The following SLC6A3 variants were observed in gnomAD, a reference collection of about 807,000 sequenced individuals.
The protein encoded by SLC6A3 is sodium-dependent dopamine transporter.
In SLC6A3, 19 loss-of-function variants were observed where a neutral mutation model predicts 70.4. The ratio of observed to expected loss-of-function variants is 0.27; its 90% CI spans 0.19 to 0.40. The LOEUF is 0.40. Ranked by LOEUF, SLC6A3 falls within the 10% of genes least tolerant of loss-of-function variation. The pLI is 1.00. For synonymous variants in SLC6A3, 368 were observed against 356.6 expected, an observed-to-expected ratio of 1.03 and a Z score of -0.36; for missense variants, 613 against 838.5, an observed-to-expected ratio of 0.73 and a Z score of 3.32.
Position 1,408,152 on chromosome 5 carries a change from A to G in SLC6A3, c.1498+874T>C, listed in dbSNP as rs1249120326. ...TACCATCAGTGTCTTCAGAAAATCT[A>G]CAGCCTCCTGACTAGCTGGGATTAT... On this transcript the variant is annotated intron_variant, in intron 11 of 14. Coordinates refer to ENST00000270349, the MANE Select transcript of SLC6A3 (RefSeq NM_001044.5). This position sits in a 1 kb window ranked among gnomAD's most constrained non-coding sequence, Gnocchi z 6.4. Among the ~76,000 whole-genome samples, 2 of 151,078 alleles carry G rather than the reference A, an allele frequency of 1.3e-5. No homozygotes were observed. Among genetic ancestry groups the G allele is most frequent in the Non-Finnish European group, 2.9e-5 (2 of 67,904 alleles).
At chr5:1,435,791 G>A (rs375636) in intron 3 of SLC6A3, among the ~76,000 whole-genome samples, 2,246 of 75,590 alleles carry the variant, frequency 0.03, 5 homozygotes, top group East Asian at 0.079. Context: ...TCCCTTGAAC[G>A]GTGGTGGCCA....
chr5:1,436,272 G>A lies in SLC6A3; in HGVS notation c.419-3574C>T, dbSNP rs971941756. Among the ~76,000 whole-genome samples, 1 of 152,220 alleles carries A rather than the reference G, an allele frequency of 6.6e-6. No individual in the cohort carries two copies. The highest frequency in any genetic ancestry group is 2.4e-5 in the African/African-American group (1 of 41,462). ...CCTCAAGCTCACCGAAGGCCCAGAC[G>A]CAGGAAACCCACTACCCTGTTGGCT... On this transcript the variant is annotated intron_variant, in intron 3 of 14. Coordinates refer to ENST00000270349, the MANE Select transcript of SLC6A3 (RefSeq NM_001044.5). The surrounding 1 kb of genome is among the most constrained non-coding windows in gnomAD (Gnocchi z 5.2).
In SLC6A3 at chr5:1,393,596, G is replaced by A. The variant is rs151078176; in HGVS notation, c.*1139C>T. On this transcript the variant is annotated 3_prime_UTR_variant, in exon 15 of 15. Coordinates refer to ENST00000270349, the MANE Select transcript of SLC6A3 (RefSeq NM_001044.5). ...GGCTGCCTGCATGGGGGCCCTGCAT[G>A]CGTCCTGGGGTAGTACACGCTCCTG... 2.9e-4 allele frequency: 44 copies of A among 152,906 alleles called. No individual in the cohort carries two copies. The highest frequency in any genetic ancestry group is 1.0e-3 in the African/African-American group (41 of 40,458). The allele number at this position is 152,906 out of a possible 1,614,324, so 9.5% of individuals were successfully genotyped here.
rs777757765 is a variant in SLC6A3, at chr5:1,432,655, G to C, written c.462C>G (p.Phe154Leu). 1 of 1,614,202 alleles carries C rather than the reference G, an allele frequency of 6.2e-7. No homozygotes were observed. Among genetic ancestry groups the C allele is most frequent in the South Asian group, 1.1e-5 (1 of 91,080 alleles). Residue 154 changes from phenylalanine to leucine, a missense_variant, in exon 4 of 15, where the codon TTC (phenylalanine) becomes TTG (leucine). Phe to Leu is a conservative substitution (Grantham distance 22). Coordinates refer to ENST00000270349, the MANE Select transcript of SLC6A3 (RefSeq NM_001044.5). Reference protein sequence around the residue: ...TVILISLYVGFFYNVIIAWAL... With the variant: ...TVILISLYVGLFYNVIIAWAL... ...CCCAGGCGATGATGACGTTGTAGAA[G>C]AAGCCGACATACAGTGAGATGAGGA...
intron 6 of SLC6A3, among the ~76,000 whole-genome samples, chr5:1,419,323 TCATCCATC>T (rs59372317): frequency 9.3e-4 from 133 of 142,968 alleles, no homozygotes; most frequent in Non-Finnish European, 1.1e-3. Context: ...TACCTAGCAT[TCATCCATC>T]CATCCATCCA....
intron 4 of SLC6A3, among the ~76,000 whole-genome samples, chr5:1,425,778 A>T (rs1485289151): frequency 6.6e-6 from 1 of 152,234 alleles, no homozygotes; most frequent in African/African-American, 2.4e-5. Context: ...AAAAGAGAAT[A>T]ATATCTAAAA....
At chr5:1,441,756 C>T (rs1733675328) in intron 2 of SLC6A3, among the ~76,000 whole-genome samples, 1 of 152,146 alleles carries the variant, frequency 6.6e-6, no homozygotes, top group Non-Finnish European at 1.5e-5. Context: ...ACAGGGAGGC[C>T]CTGCCCATGC....
intron 4 of SLC6A3, among the ~76,000 whole-genome samples, chr5:1,426,702 A>T (rs1756582607): frequency 6.6e-6 from 1 of 152,258 alleles, no homozygotes. Flanking sequence ...ACAAAAAAAT[A>T]AGTGATTCTA....
At position 1,401,465 on chromosome 5, in the gene SLC6A3, CGCTG is replaced by C. The variant is rs1026310291; in HGVS notation, c.1768-483_1768-480del. Among the ~76,000 whole-genome samples the C allele has an allele frequency of 6.6e-6, 1 of 152,092 alleles. No individual in the cohort carries two copies. Among genetic ancestry groups the C allele is most frequent in the Non-Finnish European group, 1.5e-5 (1 of 68,012 alleles). Reference sequence around the variant, plus strand: ...CTGAACGTGCCTTCCTTCCACTGCCCGCTGCGGCAGCTCCTGGGGCCTGGACAGC... The same window carrying C: ...CTGAACGTGCCTTCCTTCCACTGCCCCGGCAGCTCCTGGGGCCTGGACAGC... On this transcript the variant is annotated intron_variant, in intron 13 of 14. Coordinates refer to ENST00000270349, the MANE Select transcript of SLC6A3 (RefSeq NM_001044.5). This position sits in a 1 kb window ranked among gnomAD's most constrained non-coding sequence, Gnocchi z 6.1.
Position 1,440,836 on chromosome 5 carries a change from C to A in SLC6A3, c.418+523G>T, listed in dbSNP as rs368684097. On this transcript the variant is annotated intron_variant, in intron 3 of 14. Coordinates refer to ENST00000270349, the MANE Select transcript of SLC6A3 (RefSeq NM_001044.5). ...AGACACCTTGATCTTGGACTTCCAGCCTCCAGAGCTGTGAGACAATAAACG... is the reference window on the plus strand; with the variant it reads ...AGACACCTTGATCTTGGACTTCCAGACTCCAGAGCTGTGAGACAATAAACG... Among the ~76,000 whole-genome samples, 4 of 152,330 alleles carry A rather than the reference C, an allele frequency of 2.6e-5. No homozygotes were observed. In the East Asian group the frequency reaches 5.8e-4, roughly 22 times the overall value.
chr5:1,421,605 C>G lies in SLC6A3; in HGVS notation c.792+271G>C, dbSNP rs377055977. ...CCAGCCACGGCCACGTGTCCCCCCA[C>G]CCACCCATGGCCGCGCGTCTACCCA... On this transcript the variant is annotated intron_variant, in intron 5 of 14. Coordinates refer to ENST00000270349, the MANE Select transcript of SLC6A3 (RefSeq NM_001044.5). This position sits in a 1 kb window ranked among gnomAD's most constrained non-coding sequence, Gnocchi z 7.2. Among the ~76,000 whole-genome samples the G allele has an allele frequency of 1.3e-3, 201 of 151,148 alleles. 8 individuals carry two copies. The South Asian group carries it at 0.041, about 31-fold the overall frequency.
rs1179910636 is a variant in SLC6A3 at position 1,401,550 on chromosome 5, A to T, written c.1768-564T>A. Among the ~76,000 whole-genome samples the T allele has an allele frequency of 6.6e-6, 1 of 152,088 alleles. No individual in the cohort carries two copies. Among genetic ancestry groups the T allele is most frequent in the African/African-American group, 2.4e-5 (1 of 41,410 alleles). On this transcript the variant is annotated intron_variant, in intron 13 of 14. Transcript: ENST00000270349. The surrounding 1 kb of genome is among the most constrained non-coding windows in gnomAD (Gnocchi z 6.1). ...CAGGAGCTCACCCTCTCGGGCCTGG[A>T]TGCCTGTATCTGGATCTCTGAGGCC...
Position 1,434,007 on chromosome 5 carries a change from A to G in SLC6A3, c.419-1309T>C, listed in dbSNP as rs376032567. ...TAACTATCTACGGCCACCCATGGCC[A>G]TCCACAGCCACCCATGGCCATCCAG... On this transcript the variant is annotated intron_variant, in intron 3 of 14. Transcript: ENST00000270349. 5.8e-4 allele frequency among the ~76,000 whole-genome samples: 88 copies of G among 152,352 alleles called. 2 individuals carry two copies. The East Asian group carries it at 0.015, about 26-fold the overall frequency.
chr5:1,395,270 C>T lies in SLC6A3; in HGVS notation c.1840-512G>A, dbSNP rs146299191. 2.0e-5 allele frequency among the ~76,000 whole-genome samples: 3 copies of T among 152,366 alleles called. No homozygotes were observed. The East Asian group carries it at 5.8e-4, about 29-fold the overall frequency. ...GCAAGTGCAGCGTGTACTGACTGCT[C>T]AGGGACTGATGAGATAGACAAGAGC... On this transcript the variant is annotated intron_variant, in intron 14 of 14. Transcript: ENST00000270349.
Position 1,432,049 on chromosome 5 carries a change from G to A in SLC6A3, c.653+415C>T, listed in dbSNP as rs28382237. Among the ~76,000 whole-genome samples, 1,467 of 152,248 alleles carry A rather than the reference G, an allele frequency of 9.6e-3. 31 individuals are homozygous for A. The highest frequency in any genetic ancestry group is 0.032 in the African/African-American group (1,334 of 41,528). On this transcript the variant is annotated intron_variant, in intron 4 of 14. Transcript: ENST00000270349. ...CCGGAGTGAGGCAGTTCGGCCCCAT[G>A]CTATGCACAGAGGAAGGGTAGGGAG...
chr5:1,435,640 C>A (rs1029731658), intron 3 of SLC6A3, among the ~76,000 whole-genome samples: 3 of 152,254 alleles, frequency 2.0e-5, no homozygotes, highest in African/African-American at 7.2e-5. Flanking sequence ...GCAGCCCCCA[C>A]ACCAGAGTCC....
chr5:1,423,320 T>C (rs575179636), intron 4 of SLC6A3, among the ~76,000 whole-genome samples: 53 of 148,866 alleles, frequency 3.6e-4, no homozygotes, highest in African/African-American at 1.3e-3. Flanking sequence ...CTGCCCATGG[T>C]GCTGGGTACC....
chr5:1,410,152 C>T (rs1379959913), intron 9 of SLC6A3, among the ~76,000 whole-genome samples: 1 of 152,216 alleles, frequency 6.6e-6, no homozygotes, highest in Non-Finnish European at 1.5e-5. Context: ...GCCACCCTGT[C>T]CACTGCTGCT....
intron 14 of SLC6A3, among the ~76,000 whole-genome samples, chr5:1,395,228 C>T (rs1755686654): frequency 6.6e-6 from 1 of 152,228 alleles, no homozygotes; most frequent in South Asian, 2.1e-4. Flanking sequence ...ATCTTGCTCT[C>T]TGCGACCCGC....
Sources: allele counts gnomAD v4.1 joint callset (sites outside exome capture counted in the v4.1 genomes callset), GRCh38; gene constraint gnomAD v4.1.1; non-coding constraint Gnocchi (gnomAD v3.1); transcripts MANE v1.5; gene names NCBI Gene and HGNC (gene_info 2026-07-23, HGNC 2026-07-21).